The following TENM3 variants were observed in gnomAD, a reference collection of about 807,000 sequenced individuals.
TENM3 encodes the protein teneurin-3.
TENM3 carries 63 observed loss-of-function variants against 255.1 expected under a neutral mutation model. The ratio of observed to expected loss-of-function variants is 0.25; its 90% CI spans 0.20 to 0.30. The LOEUF is 0.30. Ranked by LOEUF, TENM3 falls within the 10% of genes least tolerant of loss-of-function variation. The probability of loss-of-function intolerance (pLI) is 1.00; values close to 1 mark genes in which losing one functional copy is unlikely to be tolerated. For missense variants in TENM3, 2,929 were observed against 3,461.1 expected (o/e 0.85, Z 3.86); for synonymous variants, 1,306 against 1,322.3 (o/e 0.99, Z 0.27).
the TENM3 span, among the ~76,000 whole-genome samples, chr4:181,468,730 G>T: frequency 6.6e-6 from 1 of 152,150 alleles, no homozygotes; most frequent in South Asian, 2.1e-4. Flanking sequence ...TGGAGATGCC[G>T]ATCTTTTTTA....
At chr4:182,141,745 A>G (rs1561130992), upstream of TENM3, 1 of 152,220 alleles carries the variant, frequency 6.6e-6, no homozygotes, top group Non-Finnish European at 1.5e-5. Context: ...GCCAAGATTT[A>G]TTACCATTTC....
At chr4:181,961,731 T>A in the TENM3 span, among the ~76,000 whole-genome samples, 2 of 152,302 alleles carry the variant, frequency 1.3e-5, no homozygotes, top group South Asian at 4.1e-4. Context: ...ATAGTCAACA[T>A]ATAATGTTTC....
At chr4:182,434,445 C>T (rs1220206242) in intron 3 of TENM3, among the ~76,000 whole-genome samples, 1 of 152,050 alleles carries the variant, frequency 6.6e-6, no homozygotes, top group Admixed American at 6.6e-5. Flanking sequence ...GGTGGATCAC[C>T]TGAGGTCAGG....
the TENM3 span, among the ~76,000 whole-genome samples, chr4:181,605,500 A>G: frequency 2.5e-4 from 3 of 12,222 alleles, no homozygotes; most frequent in Non-Finnish European, 3.6e-4. Context: ...GAAAGAAAGA[A>G]AGAAAGAAAG....
chr4:181,783,740 C>T, the TENM3 span, among the ~76,000 whole-genome samples: 5 of 152,262 alleles, frequency 3.3e-5, no homozygotes, highest in East Asian at 1.9e-4. Context: ...GTTGTCCAGG[C>T]GAGAGTGCAG....
intron 22 of TENM3, among the ~76,000 whole-genome samples, chr4:182,759,528 C>T (rs1762972701): frequency 6.6e-6 from 1 of 152,222 alleles, no homozygotes; most frequent in Non-Finnish European, 1.5e-5. Flanking sequence ...TGCATGTTTG[C>T]TCACTGTATT....
chr4:181,555,968 G>A, the TENM3 span, among the ~76,000 whole-genome samples: 5,940 of 152,244 alleles, frequency 0.039, 241 homozygotes, highest in East Asian at 0.2. Flanking sequence ...AGTCTGCCAT[G>A]CCTTTATAAG....
the TENM3 span, among the ~76,000 whole-genome samples, chr4:181,612,689 A>T: frequency 6.6e-6 from 1 of 152,124 alleles, no homozygotes; most frequent in Non-Finnish European, 1.5e-5. Flanking sequence ...TAGGATACGC[A>T]GTCTGTTAAA....
the TENM3 span, among the ~76,000 whole-genome samples, chr4:181,459,845 C>G: frequency 2.0e-5 from 3 of 151,890 alleles, no homozygotes; most frequent in African/African-American, 7.2e-5. Context: ...TTTTTAACCT[C>G]AAAAACCTGT....
intron 3 of TENM3, among the ~76,000 whole-genome samples, chr4:182,502,874 G>T (rs1697525634): frequency 6.9e-6 from 1 of 145,240 alleles, no homozygotes; most frequent in East Asian, 2.0e-4. Flanking sequence ...CTTTTAATTG[G>T]TGGGCTTCAC....
chr4:181,946,032 T>C, the TENM3 span, among the ~76,000 whole-genome samples: 6 of 152,218 alleles, frequency 3.9e-5, no homozygotes, highest in Non-Finnish European at 7.3e-5. Flanking sequence ...ATCATAAAGA[T>C]AATTCCATGT....
intron 5 of TENM3, among the ~76,000 whole-genome samples, chr4:182,644,964 A>G (rs1249361180): frequency 6.6e-6 from 1 of 152,050 alleles, no homozygotes; most frequent in African/African-American, 2.4e-5. Flanking sequence ...GTGATAGTAT[A>G]AAAAGTATAC....
At chr4:182,429,418 G>T (rs541558611) in intron 3 of TENM3, among the ~76,000 whole-genome samples, 38 of 152,212 alleles carry the variant, frequency 2.5e-4, no homozygotes, top group Admixed American at 9.2e-4. Context: ...AATTGCATAA[G>T]CAATTTCTTC....
At chr4:182,275,045 G>T (rs1424747546) in intron 1 of TENM3, among the ~76,000 whole-genome samples, 1 of 152,046 alleles carries the variant, frequency 6.6e-6, no homozygotes, top group Non-Finnish European at 1.5e-5. Flanking sequence ...GGCTGGTCTC[G>T]AGCTCTTGAC....
At chr4:181,504,961 G>A in the TENM3 span, among the ~76,000 whole-genome samples, 1 of 152,204 alleles carries the variant, frequency 6.6e-6, no homozygotes, top group South Asian at 2.1e-4. Context: ...GACAGAGCCT[G>A]CGACACTGGC....
chr4:181,891,090 G>C, the TENM3 span, among the ~76,000 whole-genome samples: 11 of 152,178 alleles, frequency 7.2e-5, no homozygotes, highest in Non-Finnish European at 1.6e-4. Flanking sequence ...TTATGAAATT[G>C]TCAGACTTGA....
chr4:181,508,242 T>G, the TENM3 span, among the ~76,000 whole-genome samples: 1 of 152,236 alleles, frequency 6.6e-6, no homozygotes, highest in Non-Finnish European at 1.5e-5. Context: ...CATGTTTCAG[T>G]GCTGTGCATT....
intron 24 of TENM3, among the ~76,000 whole-genome samples, chr4:182,783,400 T>G (rs1765342565): frequency 6.6e-6 from 1 of 152,252 alleles, no homozygotes; most frequent in South Asian, 2.1e-4. Context: ...CTCTTCTGGC[T>G]TGTAGGGTTT....
In TENM3 at chr4:182,323,992, G is replaced by T. The variant is rs889157414; in HGVS notation, c.-29G>T. 6.3e-7 allele frequency: 1 copy of T among 1,593,730 alleles called. No homozygotes were observed. The highest frequency in any genetic ancestry group is 1.7e-5 in the Admixed American group (1 of 58,494). On this transcript the variant is annotated 5_prime_UTR_variant, in exon 2 of 28. Transcript: ENST00000511685. The stretch of plus-strand genomic sequence containing the variant: ...CCTGAGCCTAAGTTGTCACCAGCAG[G>T]ACTGATGTGCACACAGAAGGAATGA...
Sources: allele counts gnomAD v4.1 joint callset (sites outside exome capture counted in the v4.1 genomes callset), GRCh38; gene constraint gnomAD v4.1.1; transcripts MANE v1.5; gene names NCBI Gene and HGNC (gene_info 2026-07-23, HGNC 2026-07-21).